Variants in SGK2 observed in about 807,000 individuals in gnomAD.
SGK2 encodes the protein serum/glucocorticoid regulated kinase 2, also known as serine/threonine-protein kinase Sgk2.
A neutral mutation model predicts 47.5 loss-of-function variants in SGK2; 36 were observed. The observed-to-expected ratio is 0.76, with a 90% CI of 0.58 to 1.00. The LOEUF is 1.00. Among genes scored for constraint, SGK2 ranks in the 50% least tolerant of loss-of-function variants. SGK2 has a pLI of 0.00. For missense variants in SGK2, 404 were observed against 467.4 expected (o/e 0.86, Z 1.25); for synonymous variants, 157 against 181.9 (o/e 0.86, Z 1.10).
intron 1 of SGK2, among the ~76,000 whole-genome samples, chr20:43,560,886 C>T (rs951184159): frequency 1.3e-5 from 2 of 152,172 alleles, no homozygotes; most frequent in African/African-American, 4.8e-5. Context: ...GAAGTATTTG[C>T]CCTCCTGGAG....
In SGK2 at chr20:43,569,521, G is replaced by A. The variant is rs1004331076; in HGVS notation, c.360+5G>A. 1.2e-6 allele frequency: 2 copies of A among 1,612,228 alleles called. No homozygotes were observed. The highest frequency in any genetic ancestry group is 1.7e-6 in the Non-Finnish European group (2 of 1,179,934). On this transcript the variant is annotated splice_donor_5th_base_variant and intron_variant, in intron 6 of 12. Coordinates refer to ENST00000373100, the MANE Select transcript of SGK2 (RefSeq NM_170693.3). ...GACTATGTCAACGGGGGAGAGGTGG[G>A]TGGGCCCACAGGGAGGCTTCCCTGG...
At chr20:43,561,380 C>T in intron 1 of SGK2, among the ~76,000 whole-genome samples, 1 of 140,656 alleles carries the variant, frequency 7.1e-6, no homozygotes, top group South Asian at 2.2e-4. Context: ...ATGGTAGAGG[C>T]TTTGGATTTT....
chr20:43,573,612 C>T lies in SGK2; in HGVS notation c.598-1297C>T, dbSNP rs148972284. Among the ~76,000 whole-genome samples, 497 of 152,228 alleles carry T rather than the reference C, an allele frequency of 3.3e-3. 3 individuals are homozygous for T. Among genetic ancestry groups the T allele is most frequent in the African/African-American group, 0.011 (467 of 41,534 alleles). On this transcript the variant is annotated intron_variant, in intron 9 of 12. Transcript: ENST00000373100. ...GGTGAGGGTTGGAGGGCTGAGGCTA[C>T]AGACTGGGAGACTCCTCCCCACCTG...
chr20:43,569,377 C>T lies in SGK2; in HGVS notation c.229-8C>T. 6 of 1,613,730 alleles carry T rather than the reference C, an allele frequency of 3.7e-6. No individual in the cohort carries two copies. Among genetic ancestry groups the T allele is most frequent in the Non-Finnish European group, 5.1e-6 (6 of 1,179,918 alleles). On this transcript the variant is annotated splice_region_variant and splice_polypyrimidine_tract_variant and intron_variant, in intron 5 of 12. Transcript: ENST00000373100. Reference sequence around the variant, plus strand: ...GTGACATGGACCCCTCTCTTTGTGACTCCACAGCAGAGCCACATCATGGCA... The same window carrying T: ...GTGACATGGACCCCTCTCTTTGTGATTCCACAGCAGAGCCACATCATGGCA...
chr20:43,580,375 CTTTTCT>C (rs1980716461), intron 12 of SGK2, among the ~76,000 whole-genome samples: 1 of 152,134 alleles, frequency 6.6e-6, no homozygotes, highest in Admixed American at 6.6e-5. Context: ...ATATTTTATC[CTTTTCT>C]ATTTATAGAC....
chr20:43,582,302 C>T (rs1339501372), intron 12 of SGK2, among the ~76,000 whole-genome samples: 3 of 151,982 alleles, frequency 2.0e-5, no homozygotes, highest in Non-Finnish European at 4.4e-5. Flanking sequence ...AAGTGATCCA[C>T]CCCCTCAGCT....
chr20:43,584,790 C>A, intron 12 of SGK2, 62 bp from the exon 13 acceptor site: 1 of 1,402,548 alleles, frequency 7.1e-7, no homozygotes, highest in Non-Finnish European at 1.0e-6. Context: ...CTCTGAGGAT[C>A]TGGGCTCCTT....
At chr20:43,571,132 A>G (rs1980102555) in intron 8 of SGK2, 72 bp downstream of exon 8, 3 of 1,599,788 alleles carry the variant, frequency 1.9e-6, no homozygotes, top group Non-Finnish European at 8.5e-7. Flanking sequence ...CTATCTGACC[A>G]TGAGTCTGTG....
rs964064674 is a variant in SGK2 at position 43,572,677 on chromosome 20, C to CA, written c.597+549dup. On this transcript the variant is annotated intron_variant, in intron 9 of 12. Transcript: ENST00000373100. This position sits in a 1 kb window ranked among gnomAD's most constrained non-coding sequence, Gnocchi z 4.2. ...GGGCAACAAGAGTGAAACTCCATCT[C>CA]AAAAAAAAAGAAAAAAGAAAGAAAT... Among the ~76,000 whole-genome samples the CA allele has an allele frequency of 2.7e-5, 4 of 149,120 alleles. No homozygotes were observed. The highest frequency in any genetic ancestry group is 4.5e-5 in the Non-Finnish European group (3 of 67,316).
Position 43,569,367 on chromosome 20 carries a change from C to T in SGK2, c.229-18C>T. 1 of 1,613,354 alleles carries T rather than the reference C, an allele frequency of 6.2e-7. No individual in the cohort carries two copies. The highest frequency in any genetic ancestry group is 8.5e-7 in the Non-Finnish European group (1 of 1,179,742). On this transcript the variant is annotated intron_variant, in intron 5 of 12. Transcript: ENST00000373100. ...GTTGTGGGCTGTGACATGGACCCCT[C>T]TCTTTGTGACTCCACAGCAGAGCCA...
intron 8 of SGK2, 124 bp from the exon 9 acceptor site, chr20:43,571,927 C>T: frequency 1.5e-6 from 1 of 660,184 alleles, no homozygotes; most frequent in Non-Finnish European, 2.8e-6. Context: ...AGCCTCCAGC[C>T]TGTGCCTGGG....
At chr20:43,570,048 G>T (rs62224804) in intron 6 of SGK2, among the ~76,000 whole-genome samples, 2 of 152,192 alleles carry the variant, frequency 1.3e-5, no homozygotes, top group Non-Finnish European at 2.9e-5. Context: ...TTGCCTTTCA[G>T]AATGATGCTA....
In SGK2 at chr20:43,570,659, C is replaced by A. The variant is rs141249005; in HGVS notation, c.403C>A (p.Arg135=). The A allele has an allele frequency of 1.1e-5, 18 of 1,612,198 alleles. No homozygotes were observed. The African/African-American group carries it at 2.0e-4, about 18-fold the overall frequency. The change falls in exon 7 of 13, where the codon CGG becomes AGG. Residue 135 remains arginine (R), a synonymous_variant. Transcript: ENST00000373100. Reference sequence around the variant, plus strand: ...GCGGGAGCGCCGGTTCCTGGAGCCCCGGGCCAGGTTCTACGCTGCTGAGGT... The same window carrying A: ...GCGGGAGCGCCGGTTCCTGGAGCCCAGGGCCAGGTTCTACGCTGCTGAGGT... ...LQRERRFLEP[R]ARFYAAEVAS...
intron 6 of SGK2, among the ~76,000 whole-genome samples, chr20:43,570,176 C>T (rs1168159393): frequency 6.6e-6 from 1 of 152,196 alleles, no homozygotes; most frequent in East Asian, 1.9e-4. Flanking sequence ...GCCGTATCAT[C>T]ATATCGCCTG....
chr20:43,580,191 A>C, intron 12 of SGK2, 130 bp downstream of exon 12: 1 of 595,594 alleles, frequency 1.7e-6, no homozygotes, highest in South Asian at 2.1e-5. Flanking sequence ...TAGGCTACAC[A>C]GTCAGTTAGA....
chr20:43,574,522 C>T (rs535445545), intron 9 of SGK2, among the ~76,000 whole-genome samples: 6 of 152,362 alleles, frequency 3.9e-5, no homozygotes, highest in East Asian at 3.9e-4. Context: ...GCATCCCCTC[C>T]GGGCAGACTA....
chr20:43,562,752 A>C (rs1037068004), intron 1 of SGK2, among the ~76,000 whole-genome samples: 1 of 152,182 alleles, frequency 6.6e-6, no homozygotes, highest in Non-Finnish European at 1.5e-5. Flanking sequence ...AAAATAAATA[A>C]ATAAATAAAG....
chr20:43,568,978 G>T (rs1407488244), intron 5 of SGK2, among the ~76,000 whole-genome samples: 3 of 152,170 alleles, frequency 2.0e-5, no homozygotes, highest in Non-Finnish European at 4.4e-5. Context: ...TTGATGGTGG[G>T]ATTCTGATGG....
At chr20:43,561,578 C>T (rs557965231) in intron 1 of SGK2, among the ~76,000 whole-genome samples, 33 of 151,982 alleles carry the variant, frequency 2.2e-4, no homozygotes, top group Non-Finnish European at 4.0e-4. Context: ...TTAGTAGAGA[C>T]GGGGTTTCAC....
Sources: allele counts gnomAD v4.1 joint callset (sites outside exome capture counted in the v4.1 genomes callset), GRCh38; gene constraint gnomAD v4.1.1; non-coding constraint Gnocchi (gnomAD v3.1); transcripts MANE v1.5; gene names NCBI Gene and HGNC (gene_info 2026-07-23, HGNC 2026-07-21).